SMIM31: variants seen among roughly 807,000 people sequenced by gnomAD.
SMIM31 encodes small integral membrane protein 31, also known as human epithelial cell program regulator.
intron 2 of SMIM31, among the ~76,000 whole-genome samples, chr4:164,785,019 T>C (rs1175249602): frequency 4.0e-5 from 6 of 150,722 alleles, no homozygotes; most frequent in African/African-American, 1.5e-4. Flanking sequence ...AGCTCAGGAG[T>C]TCGAAACCAG....
At chr4:164,762,040 G>A (rs1030349116) in intron 1 of SMIM31, among the ~76,000 whole-genome samples, 6 of 152,146 alleles carry the variant, frequency 3.9e-5, no homozygotes, top group Admixed American at 2.0e-4. Flanking sequence ...CAGGAGGGAG[G>A]AGAAACGTGA....
At chr4:164,762,953 A>G (rs1445590259) in intron 1 of SMIM31, among the ~76,000 whole-genome samples, 3 of 152,210 alleles carry the variant, frequency 2.0e-5, no homozygotes, top group African/African-American at 4.8e-5. Context: ...TAATGACTCC[A>G]AGTTAAAGTG....
intron 2 of SMIM31, among the ~76,000 whole-genome samples, chr4:164,790,117 A>G (rs1733080711): frequency 6.6e-6 from 1 of 152,172 alleles, no homozygotes. Flanking sequence ...TAGGCCACAC[A>G]CAGCATCAGA....
chr4:164,778,475 C>T (rs532997965), intron 2 of SMIM31, among the ~76,000 whole-genome samples: 3 of 152,170 alleles, frequency 2.0e-5, no homozygotes, highest in Admixed American at 6.5e-5. Flanking sequence ...TGTGATGACT[C>T]GATGAAAAAT....
intron 2 of SMIM31, among the ~76,000 whole-genome samples, chr4:164,798,292 G>A (rs1396696377): frequency 6.7e-6 from 1 of 150,308 alleles, no homozygotes; most frequent in Non-Finnish European, 1.5e-5. Context: ...GGAGTGCAAT[G>A]GCTCGATCTC....
intron 2 of SMIM31, among the ~76,000 whole-genome samples, chr4:164,779,098 T>C (rs1579067871): frequency 6.6e-6 from 1 of 151,724 alleles, no homozygotes; most frequent in East Asian, 1.9e-4. Context: ...TGATTGAACA[T>C]AAATTAAATG....
In SMIM31 at chr4:164,800,787, C is replaced by G. The variant is rs1326442378; in HGVS notation, c.113-304C>G. On this transcript the variant is annotated intron_variant, in intron 2 of 2. Transcript: ENST00000507311. ...TTTAACATCAATCTTAGTGCTCTTT[C>G]TGCTCATCATCTTAATGCCTCTTAG... Among the ~76,000 whole-genome samples, 3 of 152,162 alleles carry G rather than the reference C, an allele frequency of 2.0e-5. No individual in the cohort carries two copies. In the East Asian group the frequency reaches 5.8e-4, roughly 29 times the overall value.
intron 2 of SMIM31, among the ~76,000 whole-genome samples, chr4:164,789,748 A>G (rs1417290543): frequency 1.3e-5 from 2 of 152,206 alleles, no homozygotes; most frequent in Non-Finnish European, 2.9e-5. Flanking sequence ...CTCAAGAGAT[A>G]AGTAATGTTG....
chr4:164,758,971 T>C (rs1480483797), intron 1 of SMIM31, among the ~76,000 whole-genome samples: 1 of 151,596 alleles, frequency 6.6e-6, no homozygotes, highest in Non-Finnish European at 1.5e-5. Flanking sequence ...CCCTGCCTCA[T>C]ATATGTAGTT....
Position 164,797,348 on chromosome 4 carries a change from T to C in SMIM31, c.113-3743T>C, listed in dbSNP as rs142268133. 2.0e-3 allele frequency among the ~76,000 whole-genome samples: 300 copies of C among 152,234 alleles called. 2 individuals carry two copies. Among genetic ancestry groups the C allele is most frequent in the African/African-American group, 7.0e-3 (292 of 41,552 alleles). On this transcript the variant is annotated intron_variant, in intron 2 of 2. Transcript: ENST00000507311. ...TGGGGATATGGGAAGAAAGAGTATATTAGTCAAGGTTTACAGAAACACAGA... is the reference window on the plus strand; with the variant it reads ...TGGGGATATGGGAAGAAAGAGTATACTAGTCAAGGTTTACAGAAACACAGA...
At chr4:164,759,317 T>C (rs1732614584) in intron 1 of SMIM31, among the ~76,000 whole-genome samples, 1 of 152,202 alleles carries the variant, frequency 6.6e-6, no homozygotes, top group South Asian at 2.1e-4. Flanking sequence ...TGCACTCATC[T>C]TGTGAGAGCT....
chr4:164,788,576 G>A (rs1292760192), intron 2 of SMIM31, among the ~76,000 whole-genome samples: 3 of 123,772 alleles, frequency 2.4e-5, no homozygotes, highest in Admixed American at 2.1e-4. Context: ...AGCAACTTCC[G>A]CCTCCCTGGT....
At chr4:164,787,816 G>T (rs991603328) in intron 2 of SMIM31, among the ~76,000 whole-genome samples, 1 of 152,004 alleles carries the variant, frequency 6.6e-6, no homozygotes, top group African/African-American at 2.4e-5. Flanking sequence ...AGTGCTTTAC[G>T]TCAGCCATTT....
chr4:164,758,801 A>ATTTTTTTTTTTTTTTTTTTTTTTTTT lies in SMIM31; in HGVS notation c.-26+4405_-26+4430dup, dbSNP rs35632469. On this transcript the variant is annotated intron_variant, in intron 1 of 2. Transcript: ENST00000507311. ...GGCGCCCGCCACCACGCCCGGCCAA[A>ATTTTTTTTTTTTTTTTTTTTTTTTTT]TTTTTTTTTTTTTTTTTTTTTTTTT... 2.0e-4 allele frequency among the ~76,000 whole-genome samples: 12 copies of ATTTTTTTTTTTTTTTTTTTTTTTTTT among 60,914 alleles called. 1 individual carries two copies. Among genetic ancestry groups the ATTTTTTTTTTTTTTTTTTTTTTTTTT allele is most frequent in the East Asian group, 6.1e-4 (1 of 1,638 alleles). 40.0% of individuals were successfully genotyped at this position (60,914 alleles called of 152,430 possible). A position where few individuals can be genotyped will look rare whatever the true frequency, so the allele number is the denominator to read the frequency against.
chr4:164,774,168 G>GAAAA (rs11322166), intron 2 of SMIM31, among the ~76,000 whole-genome samples: 2 of 121,250 alleles, frequency 1.6e-5, no homozygotes, highest in Non-Finnish European at 1.7e-5. Context: ...TCTGTCTCAA[G>GAAAA]AAAAAAAAAA....
At chr4:164,792,770 T>A (rs6536857) in intron 2 of SMIM31, among the ~76,000 whole-genome samples, 2,758 of 152,144 alleles carry the variant, frequency 0.018, 41 homozygotes, top group African/African-American at 0.044. Flanking sequence ...AATAAAAAAA[T>A]TTATCATAAA....
chr4:164,761,233 G>A (rs1002465155), intron 1 of SMIM31, among the ~76,000 whole-genome samples: 1 of 152,044 alleles, frequency 6.6e-6, no homozygotes. Flanking sequence ...CTTTATCAGG[G>A]AAATAGTCTT....
At chr4:164,755,222 G>A (rs1020378705) in intron 1 of SMIM31, among the ~76,000 whole-genome samples, 20 of 151,538 alleles carry the variant, frequency 1.3e-4, no homozygotes, top group African/African-American at 4.1e-4. Context: ...GCTCATGCCT[G>A]TAATCCCAGT....
chr4:164,801,237 C>A lies in SMIM31; in HGVS notation c.*43C>A, dbSNP rs1733279598. On this transcript the variant is annotated 3_prime_UTR_variant, in exon 3 of 3. Transcript: ENST00000507311. The stretch of plus-strand genomic sequence containing the variant: ...TTTCTCGCTAAGAAGACAGAGGAAG[C>A]AATCCATGGGAACTACTTATCCACA... 1 of 398,582 alleles carries A rather than the reference C, an allele frequency of 2.5e-6. No homozygotes were observed. The highest frequency in any genetic ancestry group is 1.3e-4 in the South Asian group (1 of 7,842). The allele number at this position is 398,582 out of a possible 1,614,324, so 24.7% of individuals were successfully genotyped here. A position where few individuals can be genotyped will look rare whatever the true frequency, so the allele number is the denominator to read the frequency against.
Sources: gnomAD v4.1 joint callset for allele counts (sites outside exome capture counted in the v4.1 genomes callset) on GRCh38, gnomAD v4.1.1 for gene constraint, MANE v1.5 for transcripts, NCBI Gene and HGNC (gene_info 2026-07-23, HGNC 2026-07-21) for gene names.